MVB12A: variants seen among roughly 807,000 people sequenced by gnomAD.
MVB12A encodes the protein multivesicular body subunit 12A, also known as CIN85/CD2AP family binding protein.
In MVB12A, 30 loss-of-function variants were observed where a neutral mutation model predicts 34.3. That is an observed-to-expected ratio of 0.88 (90% CI 0.65 to 1.19). The LOEUF is 1.19. Ranked by LOEUF, MVB12A falls within the 50% of genes most tolerant of loss-of-function variation. MVB12A has a pLI of 0.00. For synonymous variants in MVB12A, 158 were observed against 158.9 expected (o/e 0.99, Z 0.04); for missense variants, 355 against 369.2 (o/e 0.96, Z 0.31).
intron 2 of MVB12A, chr19:17,414,317 G>C (rs560314697): frequency 6.6e-6 from 1 of 152,090 alleles, no homozygotes; most frequent in Non-Finnish European, 1.5e-5. Flanking sequence ...TTCACCTGTC[G>C]CCTGCTGCTG....
upstream of MVB12A, among the ~76,000 whole-genome samples, chr19:17,418,473 A>T (rs896716939): frequency 5.3e-5 from 8 of 150,192 alleles, 1 homozygote; most frequent in Admixed American, 5.4e-4. Flanking sequence ...GCTCATTGCA[A>T]CCTCCACCTC....
intron 2 of MVB12A, among the ~76,000 whole-genome samples, chr19:17,408,424 A>G (rs1173107221): frequency 1.4e-5 from 2 of 146,200 alleles, no homozygotes; most frequent in African/African-American, 2.5e-5. Context: ...TATTTATTTT[A>G]TTTTGTTTTA....
In MVB12A at chr19:17,424,782, T is replaced by A. The variant is rs573812317; in HGVS notation, c.759+105T>A. 9 of 1,455,110 alleles carry A rather than the reference T, an allele frequency of 6.2e-6. No individual in the cohort carries two copies. The African/African-American group carries it at 9.9e-5, about 16-fold the overall frequency. The allele number at this position is 1,455,110 out of a possible 1,614,324, so 90.1% of individuals were successfully genotyped here. On this transcript the variant is annotated intron_variant, in intron 8 of 8. Transcript: ENST00000317040. ...CCCCAGGCTGTCCCAGTTTTCCCCA[T>A]CCCCGCTTTGCCCCAGACACACACC... is the stretch of plus-strand genomic sequence containing the variant.
chr19:17,424,802 C>A (rs924371952), intron 8 of MVB12A, 125 bp downstream of exon 8: 7 of 1,344,236 alleles, frequency 5.2e-6, no homozygotes, highest in Non-Finnish European at 7.3e-6. Flanking sequence ...GCCCCAGACA[C>A]ACACCATCTC....
chr19:17,423,414 G>T, intron 4 of MVB12A, 84 bp from the exon 5 acceptor site: 1 of 1,479,692 alleles, frequency 6.8e-7, no homozygotes, highest in South Asian at 1.3e-5. Flanking sequence ...CTGCATGCCC[G>T]GGTCCCCCGC....
chr19:17,410,496 T>TTATATA (rs1568387298), intron 2 of MVB12A, among the ~76,000 whole-genome samples: 1 of 31,514 alleles, frequency 3.2e-5, no homozygotes, highest in South Asian at 6.4e-4. Flanking sequence ...GGTTTTAGCT[T>TTATATA]CATATATATA....
At chr19:17,417,133 T>C (rs1010506301), upstream of MVB12A, 5 of 270,906 alleles carry the variant, frequency 1.8e-5, no homozygotes, top group Non-Finnish European at 7.6e-6. Context: ...CTTCCTCATA[T>C]TTCTTCTTCA....
At position 17,422,371 on chromosome 19, in the gene MVB12A, T is replaced by C; in HGVS notation, c.326T>C (p.Leu109Pro). 6.2e-7 allele frequency: 1 copy of C among 1,613,652 alleles called. No individual in the cohort carries two copies. Among genetic ancestry groups the C allele is most frequent in the Non-Finnish European group, 8.5e-7 (1 of 1,179,760 alleles). Residue 109 changes from leucine to proline, a missense_variant, in exon 4 of 9, where the codon CTG becomes CCG. Leu to Pro is a moderately conservative substitution (Grantham distance 98). Coordinates refer to ENST00000317040, the MANE Select transcript of MVB12A (RefSeq NM_138401.4). ...AAGAAGAAACGCATGTGTGTGAAGC[T>C]GTTGCCCCTGGGAGCCACGGACACG... is the stretch of plus-strand genomic sequence containing the variant. ...VSKKKRMCVKLLPLGATDTAV... is the reference protein window; with the variant it reads ...VSKKKRMCVKPLPLGATDTAV...
chr19:17,422,540 C>G, intron 4 of MVB12A, 82 bp downstream of exon 4: 1 of 1,344,412 alleles, frequency 7.4e-7, no homozygotes, highest in Non-Finnish European at 1.0e-6. Context: ...AAGGACACCC[C>G]TGAGGTCTCC....
chr19:17,420,086 A>AG lies in MVB12A; in HGVS notation c.-48dup, dbSNP rs1317963409. 1 of 1,171,140 alleles carries AG rather than the reference A, an allele frequency of 8.5e-7. No homozygotes were observed. The highest frequency in any genetic ancestry group is 1.7e-5 in the African/African-American group (1 of 57,814). The allele number at this position is 1,171,140 out of a possible 1,614,324, so 72.5% of individuals were successfully genotyped here. Reference sequence around the variant, plus strand: ...AGCGCTGCCGTCGGGAGGCGCTCCGAGGTTCGAGGCTGTGCCCCGCGACCC... The same window carrying AG: ...AGCGCTGCCGTCGGGAGGCGCTCCGAGGGTTCGAGGCTGTGCCCCGCGACCC... On this transcript the variant is annotated 5_prime_UTR_variant, in exon 1 of 9. Coordinates refer to ENST00000317040, the MANE Select transcript of MVB12A (RefSeq NM_138401.4).
At chr19:17,407,389 GC>G (rs1380793498) in intron 2 of MVB12A, among the ~76,000 whole-genome samples, 2 of 152,124 alleles carry the variant, frequency 1.3e-5, no homozygotes, top group Non-Finnish European at 2.9e-5. Flanking sequence ...ACTGGTAGTG[GC>G]CCCGAATGTC....
chr19:17,422,213 A>C, intron 3 of MVB12A, 119 bp from the exon 4 acceptor site: 1 of 833,220 alleles, frequency 1.2e-6, no homozygotes, highest in South Asian at 1.9e-5. Context: ...CCCCATCCCC[A>C]ATGTTGTCCA....
intron 4 of MVB12A, chr19:17,423,007 C>G (rs1184801904): frequency 6.6e-6 from 1 of 151,490 alleles, no homozygotes; most frequent in African/African-American, 2.4e-5. Flanking sequence ...TTGAACCCAG[C>G]AGTATTAGTT....
At chr19:17,408,239 G>A (rs1188943658) in intron 2 of MVB12A, among the ~76,000 whole-genome samples, 1 of 151,842 alleles carries the variant, frequency 6.6e-6, no homozygotes. Context: ...GTGGCTTGCC[G>A]CCCACAATTA....
chr19:17,409,879 C>T (rs1035645795), intron 2 of MVB12A, among the ~76,000 whole-genome samples: 1 of 152,050 alleles, frequency 6.6e-6, no homozygotes, highest in Admixed American at 6.6e-5. Context: ...CTGCCTCAGT[C>T]TCCTGAGTAG....
chr19:17,422,446 A>G lies in MVB12A; in HGVS notation c.401A>G (p.Tyr134Cys), dbSNP rs868444362. The change falls in exon 4 of 9, where the codon TAC becomes TGC. Residue 134 changes from tyrosine (Y) to cysteine (C), a missense_variant. Tyr to Cys is a radical substitution (Grantham distance 194). Transcript: ENST00000317040. ...GGGAAGACCAAGACAGTGCCTGGAT[A>G]CCTTCGAATAGGGTAGGGCCACCCC... ...LSGKTKTVPG[Y>C]LRIGDMGGFA... is the part of the protein sequence containing the mutation. 1.6e-5 allele frequency: 26 copies of G among 1,612,170 alleles called. No individual in the cohort carries two copies. The highest frequency in any genetic ancestry group is 2.2e-5 in the Non-Finnish European group (26 of 1,178,898).
chr19:17,411,022 G>A (rs2074765989), intron 2 of MVB12A, among the ~76,000 whole-genome samples: 1 of 150,330 alleles, frequency 6.7e-6, no homozygotes, highest in Admixed American at 6.6e-5. Context: ...AGGCTGGAGT[G>A]CAGTGGCGCG....
intron 2 of MVB12A, chr19:17,414,107 C>G (rs1369524100): frequency 1.3e-5 from 2 of 152,096 alleles, no homozygotes; most frequent in Admixed American, 1.3e-4. Flanking sequence ...ATGGTGAAAC[C>G]CTGTCTCTAC....
intron 7 of MVB12A, 103 bp from the exon 8 acceptor site, chr19:17,424,518 A>G (rs1199246440): frequency 2.6e-6 from 3 of 1,151,586 alleles, no homozygotes; most frequent in African/African-American, 3.1e-5. Flanking sequence ...GTCCGAGGGA[A>G]TATTCGGGGA....
Sources: gnomAD v4.1 joint callset for allele counts (sites outside exome capture counted in the v4.1 genomes callset) on GRCh38, gnomAD v4.1.1 for gene constraint, MANE v1.5 for transcripts, NCBI Gene and HGNC (gene_info 2026-07-23, HGNC 2026-07-21) for gene names.